Variants in ELOVL2 observed in about 807,000 individuals in gnomAD.
The protein encoded by ELOVL2 is ELOVL fatty acid elongase 2.
In ELOVL2, 38 loss-of-function variants were observed where a neutral mutation model predicts 37.7. The observed-to-expected ratio is 1.01, with a 90% CI of 0.78 to 1.32. The LOEUF (loss-of-function observed/expected upper bound fraction) is 1.32. ELOVL2 is among the 40% of genes most tolerant of loss of function. The pLI is 0.00. For synonymous variants in ELOVL2, 115 were observed against 122.3 expected, an observed-to-expected ratio of 0.94 and a Z score of 0.40; for missense variants, 352 against 363.6, an observed-to-expected ratio of 0.97 and a Z score of 0.26.
intron 2 of ELOVL2, among the ~76,000 whole-genome samples, chr6:11,005,962 A>G (rs1379062902): frequency 6.6e-6 from 1 of 152,220 alleles, no homozygotes; most frequent in Non-Finnish European, 1.5e-5. Flanking sequence ...CATAGTCGGC[A>G]GTACAGTCAG....
chr6:11,037,850 CTT>C (rs905116729), intron 1 of ELOVL2, among the ~76,000 whole-genome samples: 5 of 152,076 alleles, frequency 3.3e-5, no homozygotes, highest in African/African-American at 1.2e-4. Flanking sequence ...AAACTTAAGA[CTT>C]TATATATTTA....
At position 10,989,737 on chromosome 6, in the gene ELOVL2, G is replaced by A. The variant is rs755894626; in HGVS notation, c.731C>T (p.Thr244Met). The change falls in exon 7 of 8, where the codon ACG becomes ATG. Residue 244 changes from threonine to methionine, a missense_variant. Physicochemically the swap from Thr to Met is moderately conservative, Grantham distance 81. Coordinates refer to ENST00000354666, the MANE Select transcript of ELOVL2 (RefSeq NM_017770.4). ...CLIFQSSYML[T>M]LVILFLNFYV... ...AAAATTTAAGAAGAGGATGACTAAC[G>A]TTAGCATATAAGATGACTGGAAGAT... 58 of 1,613,800 alleles carry A rather than the reference G, an allele frequency of 3.6e-5. No individual in the cohort carries two copies. In the East Asian group the frequency reaches 1.2e-3, roughly 33 times the overall value.
intron 3 of ELOVL2, among the ~76,000 whole-genome samples, chr6:11,003,481 A>G (rs1446223315): frequency 1.3e-5 from 2 of 152,216 alleles, no homozygotes; most frequent in African/African-American, 4.8e-5. Flanking sequence ...AAAGGACATG[A>G]ATCTCATTCT....
At chr6:11,012,003 G>A (rs1405529396) in intron 1 of ELOVL2, among the ~76,000 whole-genome samples, 1 of 152,190 alleles carries the variant, frequency 6.6e-6, no homozygotes, top group Non-Finnish European at 1.5e-5. Flanking sequence ...CTCAAAAAAA[G>A]TTGTAAGTGC....
chr6:11,015,999 A>C (rs1410657640), intron 1 of ELOVL2: 1 of 152,226 alleles, frequency 6.6e-6, no homozygotes, highest in Non-Finnish European at 1.5e-5. Flanking sequence ...GGGCCATTCT[A>C]CAGAAGCTGA....
rs141749485 is a variant in ELOVL2, at chr6:11,026,402, C to T, written c.4-15593G>A. Among the ~76,000 whole-genome samples the T allele has an allele frequency of 1.2e-4, 19 of 152,126 alleles. No homozygotes were observed. The East Asian group carries it at 3.5e-3, about 28-fold the overall frequency. On this transcript the variant is annotated intron_variant, in intron 1 of 7. Coordinates refer to ENST00000354666, the MANE Select transcript of ELOVL2 (RefSeq NM_017770.4). ...TCCTGTAACCAGCAAGTAGTAGTGCCGTTTGGGTCGGGCTGTGCTAGGCTG... is the reference window on the plus strand; with the variant it reads ...TCCTGTAACCAGCAAGTAGTAGTGCTGTTTGGGTCGGGCTGTGCTAGGCTG...
At chr6:11,041,360 T>G (rs911192949) in intron 1 of ELOVL2, among the ~76,000 whole-genome samples, 3 of 152,172 alleles carry the variant, frequency 2.0e-5, no homozygotes, top group African/African-American at 7.2e-5. Context: ...CCAAACTGAC[T>G]AAAACGTTTT....
intron 1 of ELOVL2, among the ~76,000 whole-genome samples, chr6:11,040,263 C>G (rs1783079704): frequency 6.6e-6 from 1 of 152,084 alleles, no homozygotes; most frequent in African/African-American, 2.4e-5. Flanking sequence ...CAGTGAGGTT[C>G]TCACTAGTGG....
Position 11,044,152 on chromosome 6 carries a change from C to A in ELOVL2, c.3+76G>T. 1 of 1,417,918 alleles carries A rather than the reference C, an allele frequency of 7.1e-7. No individual in the cohort carries two copies. Among genetic ancestry groups the A allele is most frequent in the South Asian group, 1.4e-5 (1 of 69,468 alleles). 87.8% of individuals were successfully genotyped at this position (1,417,918 alleles called of 1,614,324 possible). On this transcript the variant is annotated intron_variant, in intron 1 of 7. Coordinates refer to ENST00000354666, the MANE Select transcript of ELOVL2 (RefSeq NM_017770.4). The surrounding 1 kb of genome is among the most constrained non-coding windows in gnomAD (Gnocchi z 5.6). ...CGCCCGCGCCGGCGCCCGCTCGGCC[C>A]TTTCCCGCCCGGTGCGTGGGTCCAG... is the stretch of plus-strand genomic sequence containing the variant.
chr6:10,983,826 G>A lies in ELOVL2; in HGVS notation c.846C>T (p.Ala282=). 6.2e-7 allele frequency: 1 copy of A among 1,613,418 alleles called. No homozygotes were observed. The highest frequency in any genetic ancestry group is 8.5e-7 in the Non-Finnish European group (1 of 1,179,838). ...TCACTCCATTTGCTGCAGTGAAGTA[G>A]GCTTTGGAAAAACCATTCTTCACTT... ...GKEVKNGFSK[A]YFTAANGVMN... Residue 282 remains alanine, a synonymous_variant, in exon 8 of 8, where the codon GCC becomes GCT. Coordinates refer to ENST00000354666, the MANE Select transcript of ELOVL2 (RefSeq NM_017770.4).
At chr6:10,984,931 G>A (rs542434878) in intron 7 of ELOVL2, among the ~76,000 whole-genome samples, 10 of 151,978 alleles carry the variant, frequency 6.6e-5, no homozygotes, top group Non-Finnish European at 1.2e-4. Flanking sequence ...CTGAGGAATC[G>A]CCACACTGAC....
chr6:11,005,360 A>T lies in ELOVL2; in HGVS notation c.255+12T>A, dbSNP rs775047875. The T allele has an allele frequency of 1.2e-6, 2 of 1,607,622 alleles. No individual in the cohort carries two copies. The highest frequency in any genetic ancestry group is 1.7e-6 in the Non-Finnish European group (2 of 1,177,128). ...GTTACTGGACTTCAGCTTTGGCTACATAAACACTTACCTCTGCCAGCATGT... is the reference window on the plus strand; with the variant it reads ...GTTACTGGACTTCAGCTTTGGCTACTTAAACACTTACCTCTGCCAGCATGT... On this transcript the variant is annotated intron_variant, in intron 3 of 7. Transcript: ENST00000354666.
intron 1 of ELOVL2, among the ~76,000 whole-genome samples, chr6:11,014,767 T>G (rs1313401876): frequency 1.3e-5 from 2 of 152,254 alleles, no homozygotes; most frequent in Admixed American, 1.3e-4. Context: ...GTTATCTGAT[T>G]GCACTCTGAT....
intron 1 of ELOVL2, among the ~76,000 whole-genome samples, chr6:11,036,090 A>G (rs577459689): frequency 3.9e-5 from 6 of 152,238 alleles, no homozygotes; most frequent in Non-Finnish European, 7.3e-5. Context: ...TGTTACAGAC[A>G]TATGTTCTGT....
chr6:10,992,139 AC>A (rs1040356171), intron 5 of ELOVL2, among the ~76,000 whole-genome samples: 10 of 152,156 alleles, frequency 6.6e-5, no homozygotes, highest in African/African-American at 2.4e-4. Context: ...ATGGATGTCT[AC>A]CCGTCTAGAA....
chr6:10,988,004 T>C (rs1398937376), intron 7 of ELOVL2, among the ~76,000 whole-genome samples: 2 of 152,226 alleles, frequency 1.3e-5, no homozygotes, highest in African/African-American at 4.8e-5. Context: ...TGAATGCCAT[T>C]ACCTACTCTT....
intron 3 of ELOVL2, among the ~76,000 whole-genome samples, chr6:11,001,052 G>A (rs188918256): frequency 1.3e-3 from 203 of 152,306 alleles, no homozygotes; most frequent in African/African-American, 4.7e-3. Context: ...TATTACAGGC[G>A]AAAGGCCTAC....
chr6:10,999,842 G>C (rs575088744), intron 4 of ELOVL2, among the ~76,000 whole-genome samples: 3 of 152,146 alleles, frequency 2.0e-5, no homozygotes, highest in African/African-American at 7.2e-5. Flanking sequence ...ATTCTGTAGC[G>C]GTATAGAGCT....
intron 3 of ELOVL2, among the ~76,000 whole-genome samples, chr6:11,001,902 C>T (rs556664328): frequency 6.4e-4 from 97 of 152,256 alleles, no homozygotes; most frequent in African/African-American, 2.0e-3. Context: ...ACTTAGAATC[C>T]ACCAGCTTCT....
Sources: gnomAD v4.1 joint callset for allele counts (sites outside exome capture counted in the v4.1 genomes callset) on GRCh38, gnomAD v4.1.1 for gene constraint, Gnocchi (gnomAD v3.1) non-coding constraint, MANE v1.5 for transcripts, NCBI Gene and HGNC (gene_info 2026-07-23, HGNC 2026-07-21) for gene names.